The following RIMS2 variants were observed in gnomAD, a reference collection of about 807,000 sequenced individuals.
RIMS2 encodes the protein regulating synaptic membrane exocytosis 2, also known as regulating synaptic membrane exocytosis protein 2.
A neutral mutation model predicts 174.4 loss-of-function variants in RIMS2; 59 were observed. That is an observed-to-expected ratio of 0.34 (90% CI 0.27 to 0.42). The LOEUF (loss-of-function observed/expected upper bound fraction) is 0.42. Ranked by LOEUF, RIMS2 falls within the 10% of genes least tolerant of loss-of-function variation. The pLI is 1.00. For synonymous variants in RIMS2, 606 were observed against 572.5 expected, an observed-to-expected ratio of 1.06 and a Z score of -0.84; for missense variants, 1,620 against 1,666.3, an observed-to-expected ratio of 0.97 and a Z score of 0.48.
At chr8:103,611,976 T>TC (rs1190529593) in intron 1 of RIMS2, among the ~76,000 whole-genome samples, 1 of 151,444 alleles carries the variant, frequency 6.6e-6, no homozygotes, top group Admixed American at 6.6e-5. Flanking sequence ...TTATTTTTTT[T>TC]CTCTTTTGTC....
chr8:104,209,931 T>C (rs2137610775), intron 19 of RIMS2, among the ~76,000 whole-genome samples: 1 of 152,234 alleles, frequency 6.6e-6, no homozygotes, highest in East Asian at 1.9e-4. Context: ...GGGAAAGGGA[T>C]ATATAAGAAA....
intron 1 of RIMS2, among the ~76,000 whole-genome samples, chr8:103,655,466 TA>T (rs35319710): frequency 0.38 from 57,210 of 151,788 alleles, 11,138 homozygotes; most frequent in African/African-American, 0.4. Context: ...TAAAGGTAAT[TA>T]AAAAAAGTTT....
At chr8:103,916,150 T>C (rs2154528435) in intron 7 of RIMS2, among the ~76,000 whole-genome samples, 1 of 152,194 alleles carries the variant, frequency 6.6e-6, no homozygotes, top group Non-Finnish European at 1.5e-5. Context: ...TGATAGTTGC[T>C]TAGAATTCGA....
chr8:104,068,212 A>T (rs1301003754), intron 19 of RIMS2, among the ~76,000 whole-genome samples: 6 of 152,220 alleles, frequency 3.9e-5, no homozygotes, highest in Admixed American at 3.9e-4. Context: ...AGTCAAATGT[A>T]TTCTGGACAT....
chr8:104,052,280 A>G (rs1219281765), intron 19 of RIMS2, among the ~76,000 whole-genome samples: 1 of 152,204 alleles, frequency 6.6e-6, no homozygotes, highest in Non-Finnish European at 1.5e-5. Context: ...AAAATTATTG[A>G]AAATATAGAA....
intron 3 of RIMS2, among the ~76,000 whole-genome samples, chr8:103,833,553 A>AT (rs1457984049): frequency 1.3e-5 from 2 of 151,370 alleles, no homozygotes; most frequent in East Asian, 1.9e-4. Flanking sequence ...GGTTCTTGGA[A>AT]TTTTTTCAAC....
At chr8:103,978,256 A>T (rs1053174177) in intron 16 of RIMS2, among the ~76,000 whole-genome samples, 3 of 152,340 alleles carry the variant, frequency 2.0e-5, no homozygotes, top group Middle Eastern at 3.4e-3. Context: ...TTTAGATCAG[A>T]TTCTCTTTCA....
chr8:103,971,818 A>C (rs1395785019), intron 15 of RIMS2, among the ~76,000 whole-genome samples: 2 of 151,960 alleles, frequency 1.3e-5, no homozygotes, highest in Non-Finnish European at 2.9e-5. Flanking sequence ...TGATCTTCCC[A>C]CCTTGGCCTC....
intron 19 of RIMS2, among the ~76,000 whole-genome samples, chr8:104,024,536 G>A (rs549869199): frequency 3.3e-5 from 5 of 149,928 alleles, no homozygotes; most frequent in East Asian, 1.9e-4. Context: ...GACTTCAACC[G>A]GTTTCGTTGT....
At chr8:104,214,030 G>T (rs1291458969) in intron 19 of RIMS2, among the ~76,000 whole-genome samples, 2 of 152,160 alleles carry the variant, frequency 1.3e-5, no homozygotes, top group Non-Finnish European at 2.9e-5. Flanking sequence ...TTCATAGTTT[G>T]TTGTCAAGTA....
chr8:103,980,617 AG>A lies in RIMS2; in HGVS notation c.2927+5113del, dbSNP rs533293548. On this transcript the variant is annotated intron_variant, in intron 16 of 23. Coordinates refer to ENST00000504942, the Ensembl canonical transcript of RIMS2. ...GCCACAGTGGGTTAGAGCAAAAAGC[AG>A]GCTCATGGAGTCCCTGAGTACAAGC... Among the ~76,000 whole-genome samples the A allele has an allele frequency of 7.2e-5, 11 of 152,322 alleles. 1 individual carries two copies. The highest frequency in any genetic ancestry group is 3.4e-3 in the Middle Eastern group (1 of 294).
intron 1 of RIMS2, among the ~76,000 whole-genome samples, chr8:103,578,985 G>A (rs976478082): frequency 3.2e-5 from 2 of 63,426 alleles, no homozygotes; most frequent in African/African-American, 1.4e-4. Flanking sequence ...GCAAGACTCT[G>A]TCTCAAAAAA....
chr8:103,921,000 A>AAGC lies in RIMS2; in HGVS notation c.2084-670_2084-668dup, dbSNP rs1354241368. 294 of 192,968 alleles carry AAGC rather than the reference A, an allele frequency of 1.5e-3. 1 individual carries two copies. Among genetic ancestry groups the AAGC allele is most frequent in the African/African-American group, 9.7e-3 (255 of 26,310 alleles). The allele number at this position is 192,968 out of a possible 1,614,324, so 12.0% of individuals were successfully genotyped here. ...GGCCACAGAATGAGATTCTGTCTCAAAGCAACAACAACAACAACAACAACA... is the reference window on the plus strand; with the variant it reads ...GGCCACAGAATGAGATTCTGTCTCAAAGCAGCAACAACAACAACAACAACAACA... On this transcript the variant is annotated intron_variant, in intron 9 of 23. Coordinates refer to ENST00000504942, the Ensembl canonical transcript of RIMS2.
intron 19 of RIMS2, among the ~76,000 whole-genome samples, chr8:104,053,573 A>G (rs1371314427): frequency 6.6e-6 from 1 of 152,140 alleles, no homozygotes; most frequent in African/African-American, 2.4e-5. Context: ...AAATTTCTTA[A>G]CTCTTCTTTT....
chr8:104,246,867 G>A (rs912394231), intron 20 of RIMS2, among the ~76,000 whole-genome samples: 2 of 152,110 alleles, frequency 1.3e-5, no homozygotes, highest in Non-Finnish European at 2.9e-5. Context: ...AGGGGCGGGG[G>A]CAGCTTATGT....
At chr8:104,227,573 G>A (rs1252201479) in intron 19 of RIMS2, among the ~76,000 whole-genome samples, 1 of 152,150 alleles carries the variant, frequency 6.6e-6, no homozygotes, top group Non-Finnish European at 1.5e-5. Context: ...AAGGGCAAAT[G>A]ATTATGGCCC....
At chr8:104,117,989 A>T (rs191509588) in intron 19 of RIMS2, among the ~76,000 whole-genome samples, 1 of 152,192 alleles carries the variant, frequency 6.6e-6, no homozygotes, top group Non-Finnish European at 1.5e-5. Flanking sequence ...CATATCAAGA[A>T]CTTAAATAGA....
intron 19 of RIMS2, among the ~76,000 whole-genome samples, chr8:104,211,000 G>A (rs1275653200): frequency 1.3e-5 from 2 of 152,128 alleles, no homozygotes; most frequent in Admixed American, 1.3e-4. Context: ...CTTCATGTTG[G>A]ACATTGTGCT....
chr8:103,858,021 G>C (rs1593955879), intron 3 of RIMS2, among the ~76,000 whole-genome samples: 1 of 152,090 alleles, frequency 6.6e-6, no homozygotes, highest in East Asian at 1.9e-4. Context: ...CAGAGAGTCT[G>C]GTGCCTTTTG....
Sources: gnomAD v4.1 joint callset for allele counts (sites outside exome capture counted in the v4.1 genomes callset) on GRCh38, gnomAD v4.1.1 for gene constraint, MANE v1.5 for transcripts, NCBI Gene and HGNC (gene_info 2026-07-23, HGNC 2026-07-21) for gene names.